The following ISM1 variants were observed in gnomAD, a reference collection of about 807,000 sequenced individuals.
ISM1 encodes isthmin 1, also known as isthmin-1.
Under a neutral mutation model 46.3 loss-of-function variants are expected in ISM1, and 25 were observed. The ratio of observed to expected loss-of-function variants is 0.54; its 90% CI spans 0.39 to 0.75. The LOEUF (loss-of-function observed/expected upper bound fraction) is 0.75. ISM1 is among the 30% of genes least tolerant of loss of function. The pLI, the probability that ISM1 is intolerant of heterozygous loss-of-function variation, is 0.00. For synonymous variants in ISM1, 255 were observed against 256.7 expected, an observed-to-expected ratio of 0.99 and a Z score of 0.06; for missense variants, 536 against 625.4, an observed-to-expected ratio of 0.86 and a Z score of 1.52.
chr20:13,277,246 A>G (rs2040189658), intron 2 of ISM1, among the ~76,000 whole-genome samples: 1 of 152,010 alleles, frequency 6.6e-6, no homozygotes, highest in Admixed American at 6.6e-5. Context: ...AATCCCTTTG[A>G]CTCCAGTCTG....
intron 1 of ISM1, among the ~76,000 whole-genome samples, chr20:13,266,434 G>A (rs1460770834): frequency 6.6e-6 from 1 of 152,152 alleles, no homozygotes; most frequent in Non-Finnish European, 1.5e-5. Context: ...CCGTTTAATA[G>A]CTGCATTTCT....
At chr20:13,266,216 C>T (rs924620427) in intron 1 of ISM1, among the ~76,000 whole-genome samples, 2 of 152,168 alleles carry the variant, frequency 1.3e-5, no homozygotes, top group Non-Finnish European at 2.9e-5. Flanking sequence ...AAAGAGGGGA[C>T]TAGACATTGG....
At chr20:13,227,496 C>A (rs1568660636) in intron 1 of ISM1, among the ~76,000 whole-genome samples, 1 of 146,470 alleles carries the variant, frequency 6.8e-6, no homozygotes, top group East Asian at 2.0e-4. Flanking sequence ...AGCCACCATG[C>A]CCAGCCCAAC....
intron 4 of ISM1, among the ~76,000 whole-genome samples, chr20:13,291,689 A>G (rs545579354): frequency 1.3e-5 from 2 of 152,304 alleles, no homozygotes; most frequent in African/African-American, 4.8e-5. Flanking sequence ...GAGAAGCCCA[A>G]CTTTTTCTTT....
At chr20:13,273,617 G>A (rs943164726) in intron 2 of ISM1, among the ~76,000 whole-genome samples, 2 of 152,134 alleles carry the variant, frequency 1.3e-5, no homozygotes, top group South Asian at 4.1e-4. Flanking sequence ...CCAGAGCTGG[G>A]AACCCCAGTT....
At chr20:13,265,047 G>A (rs1289368235) in intron 1 of ISM1, among the ~76,000 whole-genome samples, 2 of 152,118 alleles carry the variant, frequency 1.3e-5, no homozygotes, top group Admixed American at 1.3e-4. Flanking sequence ...TGTGCGTTGG[G>A]CCCGATGTGT....
the ISM1 span, among the ~76,000 whole-genome samples, chr20:13,325,568 CAGAGAATCGATAATGGGTTT>C: frequency 1.1e-4 from 17 of 152,272 alleles, no homozygotes; most frequent in East Asian, 3.3e-3. Context: ...TAGTTGTCCC[CAGAGAATCGATAATGGGTTT>C]AGACAAAAAC....
chr20:13,255,781 C>T (rs2039921496), intron 1 of ISM1, among the ~76,000 whole-genome samples: 2 of 152,166 alleles, frequency 1.3e-5, no homozygotes, highest in South Asian at 4.1e-4. Flanking sequence ...ACAAATTGTA[C>T]AATGTACATG....
rs886102304 is a variant in ISM1 at position 13,280,400 on chromosome 20, C to T, written c.643+502C>T. Among the ~76,000 whole-genome samples, 338 of 147,848 alleles carry T rather than the reference C, an allele frequency of 2.3e-3. 2 individuals are homozygous for T. Among genetic ancestry groups the T allele is most frequent in the Non-Finnish European group, 3.4e-3 (229 of 66,610 alleles). ...TCAGGTCTTCAAAGTAACCCCCCCC[C>T]CCCAATACATTTCAAAACTCCAAGT... is the stretch of plus-strand genomic sequence containing the variant. On this transcript the variant is annotated intron_variant, in intron 3 of 5. Transcript: ENST00000262487.
At chr20:13,304,375 C>A (rs2040482958), downstream of ISM1, among the ~76,000 whole-genome samples, 1 of 152,168 alleles carries the variant, frequency 6.6e-6, no homozygotes, top group Admixed American at 6.5e-5. Context: ...AGGTCCTTCT[C>A]ACTCCCCCAC....
intron 3 of ISM1, among the ~76,000 whole-genome samples, chr20:13,281,051 C>A (rs983619623): frequency 6.6e-6 from 1 of 152,212 alleles, no homozygotes; most frequent in Admixed American, 6.5e-5. Context: ...ACAGTCATTT[C>A]TTCTCATTAA....
chr20:13,302,447 A>G (rs952137973), downstream of ISM1, among the ~76,000 whole-genome samples: 3 of 152,118 alleles, frequency 2.0e-5, no homozygotes, highest in Non-Finnish European at 4.4e-5. Flanking sequence ...GGAAATCAAG[A>G]CCTCATGCCT....
intron 3 of ISM1, among the ~76,000 whole-genome samples, chr20:13,285,361 C>G (rs1374198054): frequency 6.6e-6 from 1 of 152,154 alleles, no homozygotes; most frequent in African/African-American, 2.4e-5. Flanking sequence ...GAGTTCTCTC[C>G]CTCACAAGTC....
At chr20:13,227,513 C>CT (rs57317837) in intron 1 of ISM1, among the ~76,000 whole-genome samples, 257 of 115,424 alleles carry the variant, frequency 2.2e-3, no homozygotes, top group East Asian at 0.01. Flanking sequence ...CAACTTTTTT[C>CT]TTTTTTTTTT....
the ISM1 span, among the ~76,000 whole-genome samples, chr20:13,323,800 T>C: frequency 2.5e-3 from 385 of 152,332 alleles, 5 homozygotes; most frequent in Non-Finnish European, 1.0e-3. Flanking sequence ...AAATGAAGGC[T>C]TCTTTATGGA....
chr20:13,289,367 C>T (rs140853014), intron 4 of ISM1, among the ~76,000 whole-genome samples: 363 of 152,278 alleles, frequency 2.4e-3, no homozygotes, highest in African/African-American at 8.5e-3. Flanking sequence ...ACCGGTAATA[C>T]CAGAGAGTTG....
chr20:13,240,881 T>C (rs188871494), intron 1 of ISM1, among the ~76,000 whole-genome samples: 174 of 152,008 alleles, frequency 1.1e-3, no homozygotes, highest in South Asian at 7.7e-3. Context: ...TTCACAAGGG[T>C]AGAGTTCATG....
the ISM1 span, among the ~76,000 whole-genome samples, chr20:13,324,027 A>C: frequency 8.5e-5 from 13 of 152,358 alleles, no homozygotes; most frequent in African/African-American, 2.9e-4. Flanking sequence ...CTATAAGGAC[A>C]ACAACTTGCA....
downstream of ISM1, among the ~76,000 whole-genome samples, chr20:13,303,323 T>A (rs573604197): frequency 6.6e-6 from 1 of 152,354 alleles, no homozygotes; most frequent in South Asian, 2.1e-4. Flanking sequence ...TTTATCTCTA[T>A]GTATTTTGCC....
Sources: allele counts gnomAD v4.1 joint callset (sites outside exome capture counted in the v4.1 genomes callset), GRCh38; gene constraint gnomAD v4.1.1; transcripts MANE v1.5; gene names NCBI Gene and HGNC (gene_info 2026-07-23, HGNC 2026-07-21).